Variants in ATF3 observed in about 807,000 individuals in gnomAD.
ATF3 encodes cyclic AMP-dependent transcription factor ATF-3.
Under a neutral mutation model 18.4 loss-of-function variants are expected in ATF3, and 10 were observed. That is an observed-to-expected ratio of 0.54 (90% CI 0.34 to 0.92). The LOEUF is 0.92. ATF3 is among the 40% of genes least tolerant of loss of function. The probability of loss-of-function intolerance (pLI) is 0.02; values close to 1 mark genes in which losing one functional copy is unlikely to be tolerated. For synonymous variants in ATF3, 78 were observed against 87.9 expected (o/e 0.89, Z 0.63); for missense variants, 183 against 222.3 (o/e 0.82, Z 1.12).
chr1:212,619,431 A>G lies in ATF3; in HGVS notation c.422A>G (p.His141Arg). The stretch of plus-strand genomic sequence containing the variant: ...GAGGAGCTCAAGAACGAGAAGCAGC[A>G]TTTGATATACATGCTCAACCTTCAT... ...QIEELKNEKQ[H>R]LIYMLNLHRP... Residue 141 changes from histidine to arginine, a missense_variant, in exon 4 of 4, where the codon CAT becomes CGT. By Grantham distance (29) the His-to-Arg change is conservative. Coordinates refer to ENST00000341491, the MANE Select transcript of ATF3 (RefSeq NM_001674.4). The surrounding 1 kb of genome is among the most constrained non-coding windows in gnomAD (Gnocchi z 4.4). The G allele has an allele frequency of 6.2e-7, 1 of 1,614,196 alleles. No individual in the cohort carries two copies. The highest frequency in any genetic ancestry group is 8.5e-7 in the Non-Finnish European group (1 of 1,180,028).
intron 1 of ATF3, among the ~76,000 whole-genome samples, chr1:212,578,901 A>T (rs963096718): frequency 6.6e-6 from 1 of 151,450 alleles, no homozygotes; most frequent in Non-Finnish European, 1.5e-5. Flanking sequence ...GACAGAGCAG[A>T]CCCAGGCATG....
intron 1 of ATF3, chr1:212,613,898 A>G (rs1231641038): frequency 2.0e-5 from 3 of 152,224 alleles, no homozygotes; most frequent in Non-Finnish European, 4.4e-5. Flanking sequence ...TCACCGAGCT[A>G]TAGAATAACA....
rs1418853748 is a variant in ATF3, at chr1:212,608,923, G to A, written c.-12G>A. 6.6e-6 allele frequency: 1 copy of A among 152,394 alleles called. No individual in the cohort carries two copies. Among genetic ancestry groups the A allele is most frequent in the Non-Finnish European group, 1.5e-5 (1 of 68,290 alleles). The allele number at this position is 152,394 out of a possible 1,614,324, so 9.4% of individuals were successfully genotyped here. ...CCCGACCCTGGCCGCCCCGAGCGGA[G>A]CCTGGAGGTGAGCGCTGGAAGCCGA... is the stretch of plus-strand genomic sequence containing the variant. On this transcript the variant is annotated 5_prime_UTR_variant, in exon 1 of 4. Coordinates refer to ENST00000341491, the MANE Select transcript of ATF3 (RefSeq NM_001674.4).
chr1:212,571,734 CGG>C (rs1664485965), intron 1 of ATF3, among the ~76,000 whole-genome samples: 1 of 92,692 alleles, frequency 1.1e-5, no homozygotes. Context: ...TTTTTTGAGA[CGG>C]AGTCTGGCTC....
At chr1:212,585,253 C>T (rs191352128) in intron 1 of ATF3, among the ~76,000 whole-genome samples, 74 of 152,320 alleles carry the variant, frequency 4.9e-4, no homozygotes, top group African/African-American at 1.7e-3. Flanking sequence ...CGTGAAGGCG[C>T]TGCTGGAGCC....
At position 212,618,995 on chromosome 1, in the gene ATF3, A is replaced by T. The variant is rs748577629; in HGVS notation, c.349-363A>T. On this transcript the variant is annotated intron_variant, in intron 3 of 3. Transcript: ENST00000341491. This position sits in a 1 kb window ranked among gnomAD's most constrained non-coding sequence, Gnocchi z 4.4. ...CTGGGGAGATGAGCTTCTCATTGAG[A>T]TCTGTGACTCAGAATCGACTAAGCC... 1 of 1,610,920 alleles carries T rather than the reference A, an allele frequency of 6.2e-7. No individual in the cohort carries two copies. The highest frequency in any genetic ancestry group is 8.5e-7 in the Non-Finnish European group (1 of 1,177,246).
chr1:212,585,626 C>G (rs1251925574), intron 1 of ATF3, among the ~76,000 whole-genome samples: 1 of 152,206 alleles, frequency 6.6e-6, no homozygotes, highest in Non-Finnish European at 1.5e-5. Flanking sequence ...GTGTGCAAAA[C>G]TGTAATCGAT....
rs1320296781 is a variant in ATF3 at position 212,619,507 on chromosome 1, G to A, written c.498G>A (p.Glu166=). 2 of 1,614,214 alleles carry A rather than the reference G, an allele frequency of 1.2e-6. No individual in the cohort carries two copies. The highest frequency in any genetic ancestry group is 2.2e-5 in the East Asian group (1 of 44,890). The part of the protein sequence containing the change: ...RAQNGRTPED[E]RNLFIQQIKE... ...AGAATGGGAGGACTCCAGAAGATGA[G>A]AGAAACCTCTTTATCCAACAGATAA... The change falls in exon 4 of 4, where the codon GAG becomes GAA. Residue 166 remains glutamate (E), a synonymous_variant. Coordinates refer to ENST00000341491, the MANE Select transcript of ATF3 (RefSeq NM_001674.4). The surrounding 1 kb of genome is among the most constrained non-coding windows in gnomAD (Gnocchi z 4.4).
Position 212,615,688 on chromosome 1 carries a change from C to A in ATF3, c.240+427C>A, listed in dbSNP as rs968559195. ...CAAGGTGGTACATGGCCTATAGTCTCATCTACTTGCGAGGCTGAGGTGGGA... is the reference window on the plus strand; with the variant it reads ...CAAGGTGGTACATGGCCTATAGTCTAATCTACTTGCGAGGCTGAGGTGGGA... On this transcript the variant is annotated intron_variant, in intron 2 of 3. Coordinates refer to ENST00000341491, the MANE Select transcript of ATF3 (RefSeq NM_001674.4). Among the ~76,000 whole-genome samples the A allele has an allele frequency of 4.6e-5, 7 of 151,738 alleles. No individual in the cohort carries two copies. In the East Asian group the frequency reaches 1.0e-3, roughly 22 times the overall value.
chr1:212,614,845 C>G (rs1655040273), intron 1 of ATF3, among the ~76,000 whole-genome samples, 173 bp from the exon 2 acceptor site: 1 of 152,080 alleles, frequency 6.6e-6, no homozygotes, highest in Admixed American at 6.6e-5. Flanking sequence ...TTTTAAGAAC[C>G]TGCTTTACTT....
intron 1 of ATF3, among the ~76,000 whole-genome samples, chr1:212,592,367 A>G (rs775188056): frequency 1.3e-5 from 2 of 152,116 alleles, no homozygotes; most frequent in Non-Finnish European, 2.9e-5. Flanking sequence ...TAAAAAATTT[A>G]ATAATAATTT....
chr1:212,583,392 C>G (rs770649853), intron 1 of ATF3, among the ~76,000 whole-genome samples: 21 of 152,132 alleles, frequency 1.4e-4, no homozygotes, highest in Non-Finnish European at 3.1e-4. Context: ...AAGATGCCAG[C>G]AGGAAACTGA....
At chr1:212,595,112 T>C (rs1421767128) in intron 1 of ATF3, among the ~76,000 whole-genome samples, 2 of 152,140 alleles carry the variant, frequency 1.3e-5, no homozygotes, top group African/African-American at 4.8e-5. Flanking sequence ...ATGAGCAAAA[T>C]AGGATACCCA....
intron 1 of ATF3, among the ~76,000 whole-genome samples, chr1:212,578,106 A>G (rs3125291): frequency 0.29 from 44,544 of 152,126 alleles, 6,761 homozygotes; most frequent in South Asian, 0.37. Flanking sequence ...TTTCTGGATA[A>G]TAGTCACTCT....
chr1:212,581,642 A>G (rs1664686990), intron 1 of ATF3, among the ~76,000 whole-genome samples: 1 of 152,226 alleles, frequency 6.6e-6, no homozygotes, highest in South Asian at 2.1e-4. Flanking sequence ...TAAACAAAAT[A>G]TGGTCCATAC....
intron 1 of ATF3, among the ~76,000 whole-genome samples, chr1:212,609,375 T>A (rs867331943): frequency 3.0e-5 from 2 of 67,270 alleles, no homozygotes; most frequent in African/African-American, 5.3e-5. Context: ...CCTTCCCGGG[T>A]GGGGGGGGGG....
At position 212,616,550 on chromosome 1, in the gene ATF3, G is replaced by T. The variant is rs1360208055; in HGVS notation, c.240+1289G>T. 5.9e-5 allele frequency among the ~76,000 whole-genome samples: 9 copies of T among 152,086 alleles called. No individual in the cohort carries two copies. The East Asian group carries it at 1.5e-3, about 26-fold the overall frequency. On this transcript the variant is annotated intron_variant, in intron 2 of 3. Coordinates refer to ENST00000341491, the MANE Select transcript of ATF3 (RefSeq NM_001674.4). ...TGACCTCAGGTAATCCGCCCGCCTC[G>T]GCCTCCCAAAGTGCTGGGATTACAG... is the stretch of plus-strand genomic sequence containing the variant.
intron 1 of ATF3, among the ~76,000 whole-genome samples, chr1:212,574,478 T>C (rs1440251587): frequency 6.6e-6 from 1 of 152,082 alleles, no homozygotes; most frequent in Non-Finnish European, 1.5e-5. Flanking sequence ...TTCTATAATA[T>C]CTTTTCATTT....
At chr1:212,592,310 C>A (rs1571770204) in intron 1 of ATF3, among the ~76,000 whole-genome samples, 1 of 151,966 alleles carries the variant, frequency 6.6e-6, no homozygotes, top group African/African-American at 2.4e-5. Context: ...TATTTTATTC[C>A]TTTTAAAGAC....
Sources: allele counts gnomAD v4.1 joint callset (sites outside exome capture counted in the v4.1 genomes callset), GRCh38; gene constraint gnomAD v4.1.1; non-coding constraint Gnocchi (gnomAD v3.1); transcripts MANE v1.5; gene names NCBI Gene and HGNC (gene_info 2026-07-23, HGNC 2026-07-21).